Variants in COLQ observed in about 807,000 individuals in gnomAD.
The protein encoded by COLQ is acetylcholinesterase collagenic tail peptide.
Under a neutral mutation model 69.0 loss-of-function variants are expected in COLQ, and 48 were observed. The observed-to-expected ratio is 0.70, with a 90% confidence interval of 0.55 to 0.88. COLQ has a LOEUF of 0.88. COLQ is among the 40% of genes least tolerant of loss of function. The pLI is 0.00. For missense variants in COLQ, 618 were observed against 594.6 expected (o/e 1.04, Z -0.41); for synonymous variants, 217 against 211.2 (o/e 1.03, Z -0.24).
intron 12 of COLQ, among the ~76,000 whole-genome samples, chr3:15,459,508 T>TCACTCTGTC (rs1264154074): frequency 1.4e-5 from 2 of 142,516 alleles, no homozygotes; most frequent in African/African-American, 5.3e-5. Flanking sequence ...AGACGGAGCC[T>TCACTCTGTC]CACTCTGTCG....
intron 6 of COLQ, 132 bp from the exon 7 acceptor site, chr3:15,475,619 A>G (rs1432137861): frequency 1.3e-6 from 1 of 780,940 alleles, no homozygotes; most frequent in African/African-American, 1.7e-5. Flanking sequence ...CCCCAGATGC[A>G]CCCACTTTCT....
intron 1 of COLQ, among the ~76,000 whole-genome samples, chr3:15,520,072 T>A (rs2063116146): frequency 6.6e-6 from 1 of 152,134 alleles, no homozygotes; most frequent in Non-Finnish European, 1.5e-5. Flanking sequence ...TTTCCTTAAG[T>A]CCTAACCTTC....
chr3:15,475,397 G>A (rs1339252979), intron 7 of COLQ, 28 bp downstream of exon 7: 1 of 1,573,620 alleles, frequency 6.4e-7, no homozygotes, highest in South Asian at 1.2e-5. Flanking sequence ...CAGAGATCTG[G>A]GAACGTCCAT....
intron 5 of COLQ, chr3:15,478,658 G>A: frequency 2.0e-6 from 1 of 492,760 alleles, no homozygotes; most frequent in Non-Finnish European, 3.7e-6. Flanking sequence ...TTGGAGCTAT[G>A]AAGGGTTTCT....
intron 5 of COLQ, 105 bp from the exon 6 acceptor site, chr3:15,477,302 C>T (rs1456835871): frequency 9.8e-7 from 1 of 1,020,104 alleles, no homozygotes. Context: ...GTTCTCTAGG[C>T]ATGGCTACTA....
chr3:15,496,599 C>G (rs998495722), intron 1 of COLQ, among the ~76,000 whole-genome samples: 1 of 152,232 alleles, frequency 6.6e-6, no homozygotes, highest in East Asian at 1.9e-4. Context: ...GGGAGCAGCA[C>G]GTGGCTCAGC....
chr3:15,464,323 C>T (rs1443274512), intron 12 of COLQ, among the ~76,000 whole-genome samples: 2 of 152,230 alleles, frequency 1.3e-5, no homozygotes, highest in African/African-American at 4.8e-5. Flanking sequence ...ATGAGAACAG[C>T]AGCCACCAGG....
At chr3:15,457,207 C>T (rs1451924410) in intron 13 of COLQ, among the ~76,000 whole-genome samples, 1 of 152,058 alleles carries the variant, frequency 6.6e-6, no homozygotes, top group Admixed American at 6.6e-5. Flanking sequence ...AATTTGACAT[C>T]TGGAAGTGAT....
chr3:15,492,524 G>A (rs187867271), intron 1 of COLQ, among the ~76,000 whole-genome samples: 5 of 152,198 alleles, frequency 3.3e-5, no homozygotes, highest in East Asian at 1.9e-4. Context: ...AAAATTAGCC[G>A]GGCGTAGTGG....
intron 1 of COLQ, among the ~76,000 whole-genome samples, chr3:15,510,975 T>C (rs1159986213): frequency 1.3e-5 from 2 of 152,208 alleles, no homozygotes; most frequent in African/African-American, 2.4e-5. Context: ...GGGAACTCCA[T>C]GCCTTTTACT....
chr3:15,463,239 G>A (rs1215384855), intron 12 of COLQ, among the ~76,000 whole-genome samples: 4 of 151,704 alleles, frequency 2.6e-5, no homozygotes, highest in African/African-American at 7.3e-5. Flanking sequence ...ATCCCAGTCC[G>A]CTAAGGATCT....
chr3:15,518,012 C>A (rs2063085726), intron 1 of COLQ, among the ~76,000 whole-genome samples: 1 of 152,198 alleles, frequency 6.6e-6, no homozygotes, highest in South Asian at 2.1e-4. Flanking sequence ...ATGGCGCGAT[C>A]TCAGCTCACT....
At position 15,472,950 on chromosome 3, in the gene COLQ, C is replaced by T. The variant is rs536966265; in HGVS notation, c.636+1050G>A. 2.3e-4 allele frequency among the ~76,000 whole-genome samples: 35 copies of T among 151,986 alleles called. No individual in the cohort carries two copies. In the South Asian group the frequency reaches 7.1e-3, roughly 31 times the overall value. On this transcript the variant is annotated intron_variant, in intron 10 of 16. Coordinates refer to ENST00000383788, the MANE Select transcript of COLQ (RefSeq NM_005677.4). ...TCTCGGCTCACTGCAGCCTCAATCACCTGGGCTCAAGCAATTCTCCCACCT... is the reference window on the plus strand; with the variant it reads ...TCTCGGCTCACTGCAGCCTCAATCATCTGGGCTCAAGCAATTCTCCCACCT...
Position 15,489,642 on chromosome 3 carries a change from T to C in COLQ, c.107-5A>G, listed in dbSNP as rs1192386710. The C allele has an allele frequency of 6.2e-7, 1 of 1,613,874 alleles. No individual in the cohort carries two copies. Among genetic ancestry groups the C allele is most frequent in the Non-Finnish European group, 8.5e-7 (1 of 1,179,862 alleles). ...TCTGATCCAGGCTGGGAAGGGCTGT[T>C]CAGAGAAAACTGCCGCTCGTTAGCA... On this transcript the variant is annotated splice_polypyrimidine_tract_variant and splice_region_variant and intron_variant, in intron 1 of 16. Transcript: ENST00000383788.
In COLQ at chr3:15,515,201, G is replaced by A. The variant is rs555379087; in HGVS notation, c.106+6319C>T. Among the ~76,000 whole-genome samples, 3 of 152,254 alleles carry A rather than the reference G, an allele frequency of 2.0e-5. No homozygotes were observed. The South Asian group carries it at 6.2e-4, about 32-fold the overall frequency. ...GCTTGCTCACTGCTGCATATCCCCA[G>A]GCATATAGTTGGCACTCATGAAATG... is the stretch of plus-strand genomic sequence containing the variant. On this transcript the variant is annotated intron_variant, in intron 1 of 16. Transcript: ENST00000383788.
rs1003320378 is a variant in COLQ at position 15,473,179 on chromosome 3, G to T, written c.636+821C>A. Among the ~76,000 whole-genome samples, 1 of 152,030 alleles carries T rather than the reference G, an allele frequency of 6.6e-6. No individual in the cohort carries two copies. The highest frequency in any genetic ancestry group is 2.4e-5 in the African/African-American group (1 of 41,368). On this transcript the variant is annotated intron_variant, in intron 10 of 16. Coordinates refer to ENST00000383788, the MANE Select transcript of COLQ (RefSeq NM_005677.4). This position sits in a 1 kb window ranked among gnomAD's most constrained non-coding sequence, Gnocchi z 4.0. ...CTATTTATTTATTTATTGAGACAGG[G>T]TCTGCCTCTGTGGCCCAGGCTGGAG...
At chr3:15,459,942 T>C (rs2125092005) in intron 12 of COLQ, among the ~76,000 whole-genome samples, 1 of 152,198 alleles carries the variant, frequency 6.6e-6, no homozygotes, top group African/African-American at 2.4e-5. Context: ...AACTGGGCCA[T>C]TCCCCTGCCA....
rs114896510 is a variant in COLQ, at chr3:15,458,305, T to C, written c.835A>G (p.Lys279Glu). ...PPAGQLIMGP[K>E]GERGFPGPPG... Reference sequence around the variant, plus strand: ...GGCCCGGGAAATCCTCTTTCCCCTTTGGGTCCCATTATAAGTTGTCCTAGG... The same window carrying C: ...GGCCCGGGAAATCCTCTTTCCCCTTCGGGTCCCATTATAAGTTGTCCTAGG... Residue 279 changes from lysine to glutamate, a missense_variant, in exon 13 of 17, where the codon AAA becomes GAA. Lys to Glu is a moderately conservative substitution (Grantham distance 56, BLOSUM62 1). Transcript: ENST00000383788. The C allele has an allele frequency of 6.2e-7, 1 of 1,614,072 alleles. No individual in the cohort carries two copies. The highest frequency in any genetic ancestry group is 2.2e-5 in the East Asian group (1 of 44,890).
At chr3:15,457,579 G>C (rs1014728359) in intron 13 of COLQ, among the ~76,000 whole-genome samples, 1 of 152,014 alleles carries the variant, frequency 6.6e-6, no homozygotes, top group African/African-American at 2.4e-5. Flanking sequence ...TATTTATAGA[G>C]TGTGGAAACA....
Sources: allele counts gnomAD v4.1 joint callset (sites outside exome capture counted in the v4.1 genomes callset), GRCh38; gene constraint gnomAD v4.1.1; non-coding constraint Gnocchi (gnomAD v3.1); transcripts MANE v1.5; gene names NCBI Gene and HGNC (gene_info 2026-07-23, HGNC 2026-07-21).